Variants in SETD6 observed in about 807,000 individuals in gnomAD.
The protein encoded by SETD6 is SET domain containing 6, protein lysine methyltransferase.
SETD6 carries 67 observed loss-of-function variants against 52.7 expected under a neutral mutation model. The observed-to-expected ratio is 1.27, with a 90% CI of 1.04 to 1.56. The LOEUF (loss-of-function observed/expected upper bound fraction) is 1.56. SETD6 is among the 40% of genes most tolerant of loss of function. The pLI, the probability that SETD6 is intolerant of heterozygous loss-of-function variation, is 0.00. For synonymous variants in SETD6, 307 were observed against 250.2 expected, an observed-to-expected ratio of 1.23 and a Z score of -2.14; for missense variants, 712 against 607.5, an observed-to-expected ratio of 1.17 and a Z score of -1.81.
intron 2 of SETD6, 41 bp downstream of exon 2, chr16:58,516,138 G>GCGGGGCGGGGCGGGCCCGGCCCGCGAGGC: frequency 1.6e-6 from 2 of 1,240,316 alleles, no homozygotes; most frequent in East Asian, 3.7e-5. Flanking sequence ...GCGGGGCGGG[G>GCGGGGCGGGGCGGGCCCGGCCCGCGAGGC]CGGGGCGGGG....
chr16:58,518,656 G>C, intron 7 of SETD6, 68 bp from the exon 8 acceptor site: 2 of 1,587,968 alleles, frequency 1.3e-6, no homozygotes, highest in South Asian at 2.3e-5. Flanking sequence ...GATGAGTTTA[G>C]TCTCCTGAGT....
In SETD6 at chr16:58,517,162, G is replaced by A. The variant is rs1489990244; in HGVS notation, c.792+234G>A. 7.7e-5 allele frequency: 44 copies of A among 569,422 alleles called. No homozygotes were observed. In the East Asian group the frequency reaches 1.5e-3, roughly 20 times the overall value. The allele number at this position is 569,422 out of a possible 1,614,324, so 35.3% of individuals were successfully genotyped here. A position where few individuals can be genotyped will look rare whatever the true frequency, so the allele number is the denominator to read the frequency against. ...TACTACCATCATTTATTTAGTGCTA[G>A]ACATTGAGTGGTCTGCATAGCCATG... On this transcript the variant is annotated intron_variant, in intron 5 of 7. Coordinates refer to ENST00000219315, the MANE Select transcript of SETD6 (RefSeq NM_001160305.4).
chr16:58,516,482 G>C lies in SETD6; in HGVS notation c.481G>C (p.Glu161Gln). The C allele has an allele frequency of 6.2e-7, 1 of 1,614,004 alleles. No individual in the cohort carries two copies. The highest frequency in any genetic ancestry group is 8.5e-7 in the Non-Finnish European group (1 of 1,179,952). ...GRLEHPMFWPEEERRCLLQGT... is the reference protein window; with the variant it reads ...GRLEHPMFWPQEERRCLLQGT... ...TGGGTGTGGGTGTCCCTGCAGGCCA[G>C]AGGAGGAGCGCCGGTGCCTGCTCCA... The change falls in exon 4 of 8, where the codon GAG (glutamate) becomes CAG (glutamine). Residue 161 changes from glutamate (E) to glutamine (Q), a missense_variant. Glu to Gln is a conservative substitution (Grantham distance 29, BLOSUM62 2). Coordinates refer to ENST00000219315, the MANE Select transcript of SETD6 (RefSeq NM_001160305.4).
Position 58,519,271 on chromosome 16 carries a change from T to A in SETD6, c.*242T>A. ...AAAGCATGTTACAGATGTTTTGTTC[T>A]CAGTTTTAACCAAAGCCAGTGGACA... On this transcript the variant is annotated 3_prime_UTR_variant, in exon 8 of 8. Transcript: ENST00000219315. 1 of 470,822 alleles carries A rather than the reference T, an allele frequency of 2.1e-6. No individual in the cohort carries two copies. The highest frequency in any genetic ancestry group is 3.8e-6 in the Non-Finnish European group (1 of 265,016). The allele number at this position is 470,822 out of a possible 1,614,324, so 29.2% of individuals were successfully genotyped here. A position where few individuals can be genotyped will look rare whatever the true frequency, so the allele number is the denominator to read the frequency against.
chr16:58,519,020 G>GAC lies in SETD6; in HGVS notation c.1415_1416dup (p.Ser473GlnfsTer9). 4 of 1,608,664 alleles carry GAC rather than the reference G, an allele frequency of 2.5e-6. No individual in the cohort carries two copies. Among genetic ancestry groups the GAC allele is most frequent in the Non-Finnish European group, 3.4e-6 (4 of 1,176,744 alleles). ...TGATCTTACATCAGTTGTTGGAGCT[G>GAC]ACAAGTTAGCAGTTTCCCTGTTCCC... On this transcript the variant is annotated frameshift_variant, in exon 8 of 8. Coordinates refer to ENST00000219315, the MANE Select transcript of SETD6 (RefSeq NM_001160305.4). LOFTEE classifies it high-confidence loss of function.
In SETD6 at chr16:58,518,876, T is replaced by G; in HGVS notation, c.1269T>G (p.Thr423=). 6.2e-7 allele frequency: 1 copy of G among 1,614,208 alleles called. No individual in the cohort carries two copies. Among genetic ancestry groups the G allele is most frequent in the Non-Finnish European group, 8.5e-7 (1 of 1,180,048 alleles). The change falls in exon 8 of 8, where the codon ACT becomes ACG. Residue 423 remains threonine, a synonymous_variant. Coordinates refer to ENST00000219315, the MANE Select transcript of SETD6 (RefSeq NM_001160305.4). ...RQLLQNSVLL[T]LQTYATDLKT... is the part of the protein sequence containing the mutation. ...TGCTTCAAAACAGTGTTCTACTGACTTTGCAGACCTATGCCACAGACTTAA... is the reference window on the plus strand; with the variant it reads ...TGCTTCAAAACAGTGTTCTACTGACGTTGCAGACCTATGCCACAGACTTAA...
In SETD6 at chr16:58,515,828, T is replaced by C. The variant is rs1332928579; in HGVS notation, c.65T>C (p.Val22Ala). The C allele has an allele frequency of 1.3e-6, 2 of 1,538,736 alleles. No homozygotes were observed. The highest frequency in any genetic ancestry group is 1.7e-6 in the Non-Finnish European group (2 of 1,152,286). The change falls in exon 2 of 8, where the codon GTG becomes GCG. Residue 22 changes from valine to alanine, a missense_variant. Val to Ala is a moderately conservative substitution (Grantham distance 64, BLOSUM62 0). Coordinates refer to ENST00000219315, the MANE Select transcript of SETD6 (RefSeq NM_001160305.4). ...GTGGACGGCGGCGACCTGGATCCTGTGGCCTGCTTCCTGAGCTGGTGCCGG... is the reference window on the plus strand; with the variant it reads ...GTGGACGGCGGCGACCTGGATCCTGCGGCCTGCTTCCTGAGCTGGTGCCGG... ...GPVDGGDLDP[V>A]ACFLSWCRRV...
At position 58,516,935 on chromosome 16, in the gene SETD6, GGA is replaced by G; in HGVS notation, c.792+9_792+10del. On this transcript the variant is annotated splice_region_variant and intron_variant, in intron 5 of 7. Transcript: ENST00000219315. ...CAATCTAGAATACTCTGCGGTGAGT[GGA>G]GTTTCTCTTGGTGCACTGATTGAGC... The G allele has an allele frequency of 1.2e-6, 2 of 1,614,170 alleles. No individual in the cohort carries two copies. Among genetic ancestry groups the G allele is most frequent in the South Asian group, 1.1e-5 (1 of 91,076 alleles).
In SETD6 at chr16:58,522,492, T is replaced by G. The variant is rs569553313; in HGVS notation, c.*3463T>G. On this transcript the variant is annotated 3_prime_UTR_variant, in exon 8 of 8. Coordinates refer to ENST00000219315, the MANE Select transcript of SETD6 (RefSeq NM_001160305.4). ...TACACAAATCAAAGGAATACCATAT[T>G]TAGCACCATAGGTGACTAATTAGGC... Among the ~76,000 whole-genome samples the G allele has an allele frequency of 4.4e-4, 51 of 117,004 alleles. No homozygotes were observed. The highest frequency in any genetic ancestry group is 6.8e-4 in the Non-Finnish European group (41 of 60,176). The allele number at this position is 117,004 out of a possible 152,430, so 76.8% of individuals were successfully genotyped here. A position where few individuals can be genotyped will look rare whatever the true frequency, so the allele number is the denominator to read the frequency against.
chr16:58,518,249 T>A lies in SETD6; in HGVS notation c.973+18T>A. 1.9e-6 allele frequency: 3 copies of A among 1,614,014 alleles called. No individual in the cohort carries two copies. Among genetic ancestry groups the A allele is most frequent in the Non-Finnish European group, 2.5e-6 (3 of 1,179,920 alleles). Reference sequence around the variant, plus strand: ...ATTACAGGGTGAGTGTATCATTAACTCAATATTTGACACTGATGGTGTGTC... The same window carrying A: ...ATTACAGGGTGAGTGTATCATTAACACAATATTTGACACTGATGGTGTGTC... On this transcript the variant is annotated intron_variant, in intron 6 of 7. Transcript: ENST00000219315.
rs199982414 is a variant in SETD6, at chr16:58,516,945, T to C, written c.792+17T>C. On this transcript the variant is annotated intron_variant, in intron 5 of 7. Coordinates refer to ENST00000219315, the MANE Select transcript of SETD6 (RefSeq NM_001160305.4). ...TACTCTGCGGTGAGTGGAGTTTCTC[T>C]TGGTGCACTGATTGAGCATGATTCA... The C allele has an allele frequency of 4.5e-3, 7,203 of 1,614,152 alleles. 23 individuals carry two copies. Among genetic ancestry groups the C allele is most frequent in the Non-Finnish European group, 5.6e-3 (6,648 of 1,179,976 alleles).
rs752277697 is a variant in SETD6, at chr16:58,519,024, A to AGTT, written c.1418_1420dup (p.Ser473_Ter474insCys). The AGTT allele has an allele frequency of 3.1e-6, 5 of 1,607,424 alleles. No homozygotes were observed. Among genetic ancestry groups the AGTT allele is most frequent in the African/African-American group, 2.7e-5 (2 of 74,716 alleles). ...CTTACATCAGTTGTTGGAGCTGACA[A>AGTT]GTTAGCAGTTTCCCTGTTCCCTGAA... On this transcript the variant is annotated inframe_insertion, in exon 8 of 8. Transcript: ENST00000219315.
chr16:58,518,960 A>G lies in SETD6; in HGVS notation c.1353A>G (p.Glu451=), dbSNP rs776569077. The part of the protein sequence containing the change: ...KEVYAKLSWR[E]QQALQVRYGQ... ...TCTATGCGAAACTCAGCTGGAGGGA[A>G]CAGCAAGCCTTACAGGTTCGCTATG... Residue 451 remains glutamate, a synonymous_variant, in exon 8 of 8, where the codon GAA becomes GAG. Transcript: ENST00000219315. 6.2e-7 allele frequency: 1 copy of G among 1,614,200 alleles called. No homozygotes were observed. The highest frequency in any genetic ancestry group is 8.5e-7 in the Non-Finnish European group (1 of 1,180,020).
In SETD6 at chr16:58,519,121, T is replaced by A; in HGVS notation, c.*92T>A. ...TGAAAAAGAGGAAAATTTGGATCTTTCTTTTGCTTACTAAACACCAAGAGG... is the reference window on the plus strand; with the variant it reads ...TGAAAAAGAGGAAAATTTGGATCTTACTTTTGCTTACTAAACACCAAGAGG... On this transcript the variant is annotated 3_prime_UTR_variant, in exon 8 of 8. Transcript: ENST00000219315. 1 of 1,308,102 alleles carries A rather than the reference T, an allele frequency of 7.6e-7. No homozygotes were observed. The highest frequency in any genetic ancestry group is 1.0e-6 in the Non-Finnish European group (1 of 973,340). 81.0% of individuals were successfully genotyped at this position (1,308,102 alleles called of 1,614,324 possible).
rs781242172 is a variant in SETD6, at chr16:58,516,853, C to A, written c.717C>A (p.Asn239Lys). The change falls in exon 5 of 8, where the codon AAC becomes AAA. Residue 239 changes from asparagine to lysine, a missense_variant. Transcript: ENST00000219315. The part of the protein sequence containing the change: ...LEEEEDEKEP[N>K]SPVMVPAADI... The stretch of plus-strand genomic sequence containing the variant: ...AAGAAGAGGATGAAAAGGAGCCCAA[C>A]TCCCCCGTGATGGTGCCTGCTGCAG... 2 of 1,614,212 alleles carry A rather than the reference C, an allele frequency of 1.2e-6. No individual in the cohort carries two copies. The highest frequency in any genetic ancestry group is 2.2e-5 in the South Asian group (2 of 91,082).
At chr16:58,516,150 G>GGGGCGGGCCCGGCCC in intron 2 of SETD6, 52 bp from the exon 3 acceptor site, 1 of 1,282,226 alleles carries the variant, frequency 7.8e-7, no homozygotes. Flanking sequence ...GGGGCGGGGC[G>GGGGCGGGCCCGGCCC]GGCCCGGCCC....
At position 58,519,070 on chromosome 16, in the gene SETD6, ATT is replaced by A. The variant is rs757224621; in HGVS notation, c.*42_*43del. ...CTGAAGGAACAGCAATAAGAACTTTATTCTAAGCTAATACTCATTGATGTTTG... is the reference window on the plus strand; with the variant it reads ...CTGAAGGAACAGCAATAAGAACTTTACTAAGCTAATACTCATTGATGTTTG... On this transcript the variant is annotated 3_prime_UTR_variant, in exon 8 of 8. Coordinates refer to ENST00000219315, the MANE Select transcript of SETD6 (RefSeq NM_001160305.4). 7.8e-6 allele frequency: 12 copies of A among 1,545,990 alleles called. No homozygotes were observed. In the South Asian group the frequency reaches 1.4e-4, roughly 18 times the overall value.
chr16:58,517,046 C>T (rs758040051), intron 5 of SETD6, 118 bp downstream of exon 5: 6 of 1,420,740 alleles, frequency 4.2e-6, no homozygotes, highest in Admixed American at 1.7e-5. Context: ...TCCTGTATGT[C>T]CTTTTAGTAT....
At chr16:58,517,842 G>C in intron 5 of SETD6, 1 of 621,082 alleles carries the variant, frequency 1.6e-6, no homozygotes. Flanking sequence ...AATCCACCCA[G>C]TTAAACATGA....
Sources: allele counts gnomAD v4.1 joint callset (sites outside exome capture counted in the v4.1 genomes callset), GRCh38; gene constraint gnomAD v4.1.1; transcripts MANE v1.5; gene names NCBI Gene and HGNC (gene_info 2026-07-23, HGNC 2026-07-21).